ST3GAL3: variants seen among roughly 807,000 people sequenced by gnomAD.
ST3GAL3 encodes CMP-N-acetylneuraminate-beta-1,4-galactoside alpha-2,3-sialyltransferase.
In ST3GAL3, 21 loss-of-function variants were observed where a neutral mutation model predicts 50.1. That is an observed-to-expected ratio of 0.42 (90% CI 0.30 to 0.60). The LOEUF is 0.60. Ranked by LOEUF, ST3GAL3 falls within the 20% of genes least tolerant of loss-of-function variation. The pLI is 0.19. For missense variants in ST3GAL3, 353 were observed against 489.4 expected (o/e 0.72, Z 2.63); for synonymous variants, 183 against 190.0 (o/e 0.96, Z 0.30).
intron 9 of ST3GAL3, among the ~76,000 whole-genome samples, chr1:43,901,904 G>T (rs778387270): frequency 2.6e-5 from 4 of 152,236 alleles, no homozygotes; most frequent in Non-Finnish European, 4.4e-5. Flanking sequence ...GACCTTTAGA[G>T]TGAGCTGCCA....
intron 1 of ST3GAL3, among the ~76,000 whole-genome samples, chr1:43,715,210 T>C (rs1415566644): frequency 6.6e-6 from 1 of 152,172 alleles, no homozygotes; most frequent in Non-Finnish European, 1.5e-5. Flanking sequence ...CAAATAACTT[T>C]CATGTTTGTG....
At chr1:43,721,385 A>T (rs1292384600) in intron 1 of ST3GAL3, among the ~76,000 whole-genome samples, 5 of 144,610 alleles carry the variant, frequency 3.5e-5, no homozygotes, top group Non-Finnish European at 7.5e-5. Flanking sequence ...GCTTACTGCA[A>T]CCTCCACCTC....
intron 1 of ST3GAL3, among the ~76,000 whole-genome samples, chr1:43,723,530 T>C (rs1450144753): frequency 2.0e-5 from 3 of 152,202 alleles, no homozygotes; most frequent in African/African-American, 7.2e-5. Context: ...CCTACAGAAC[T>C]GTAAGCCAAA....
chr1:43,862,685 A>C (rs1020970017), intron 5 of ST3GAL3, among the ~76,000 whole-genome samples: 2 of 150,516 alleles, frequency 1.3e-5, no homozygotes, highest in African/African-American at 4.9e-5. Flanking sequence ...AGGCGGGAGG[A>C]TCACTTGAGC....
intron 3 of ST3GAL3, among the ~76,000 whole-genome samples, chr1:43,804,388 C>T (rs1303483901): frequency 3.9e-5 from 6 of 152,126 alleles, no homozygotes; most frequent in Non-Finnish European, 8.8e-5. Context: ...TTAAATTTTC[C>T]TGCTAGTCAG....
At chr1:43,863,492 A>G (rs1212131289) in intron 5 of ST3GAL3, among the ~76,000 whole-genome samples, 1 of 152,240 alleles carries the variant, frequency 6.6e-6, no homozygotes, top group African/African-American at 2.4e-5. Context: ...CCCCTGGCAC[A>G]TTCACACAAG....
At chr1:43,904,759 C>CT (rs137869111) in intron 9 of ST3GAL3, among the ~76,000 whole-genome samples, 1 of 133,378 alleles carries the variant, frequency 7.5e-6, no homozygotes, top group East Asian at 2.2e-4. Context: ...ACCACTCTCC[C>CT]CTCCTCCTGC....
At chr1:43,918,853 C>T (rs2082526261) in intron 9 of ST3GAL3, among the ~76,000 whole-genome samples, 1 of 151,946 alleles carries the variant, frequency 6.6e-6, no homozygotes, top group Non-Finnish European at 1.5e-5. Context: ...TTTAAGTCAT[C>T]TCTTTATATC....
At chr1:43,812,290 C>G (rs977399669) in intron 3 of ST3GAL3, among the ~76,000 whole-genome samples, 3 of 152,168 alleles carry the variant, frequency 2.0e-5, no homozygotes, top group Non-Finnish European at 4.4e-5. Context: ...GCGTTGCTGC[C>G]TGGCACAGTT....
chr1:43,713,432 T>C (rs1397102780), intron 1 of ST3GAL3, among the ~76,000 whole-genome samples: 2 of 152,066 alleles, frequency 1.3e-5, no homozygotes, highest in East Asian at 1.9e-4. Flanking sequence ...AAAACAGTTA[T>C]AATATTTCTA....
chr1:43,762,028 G>A (rs1019256279), intron 2 of ST3GAL3, among the ~76,000 whole-genome samples: 1 of 150,770 alleles, frequency 6.6e-6, no homozygotes, highest in Non-Finnish European at 1.5e-5. Flanking sequence ...CACTTTGGGA[G>A]GCCAAGGCAG....
intron 3 of ST3GAL3, among the ~76,000 whole-genome samples, chr1:43,806,538 A>G (rs1455940868): frequency 6.6e-6 from 1 of 152,178 alleles, no homozygotes; most frequent in African/African-American, 2.4e-5. Flanking sequence ...TATTGCCATC[A>G]TTTAAAAACA....
At position 43,748,599 on chromosome 1, in the gene ST3GAL3, T is replaced by A. The variant is rs183523414; in HGVS notation, c.118+12219T>A. Reference sequence around the variant, plus strand: ...ATGCCCAGCCAATTTAAAAAAAAAATTTTTATAAAGACAGGGTTTTACATT... The same window carrying A: ...ATGCCCAGCCAATTTAAAAAAAAAAATTTTATAAAGACAGGGTTTTACATT... On this transcript the variant is annotated intron_variant, in intron 2 of 11. Transcript: ENST00000347631. 3.4e-3 allele frequency among the ~76,000 whole-genome samples: 514 copies of A among 151,830 alleles called. 4 individuals are homozygous for A. The highest frequency in any genetic ancestry group is 0.011 in the African/African-American group (458 of 41,382).
rs531252185 is a variant in ST3GAL3 at position 43,892,661 on chromosome 1, GA to G, written c.303-1713del. 1.2e-3 allele frequency among the ~76,000 whole-genome samples: 183 copies of G among 150,244 alleles called. 1 individual carries two copies. The highest frequency in any genetic ancestry group is 2.4e-3 in the African/African-American group (99 of 40,976). On this transcript the variant is annotated intron_variant, in intron 5 of 11. Coordinates refer to ENST00000347631, the MANE Select transcript of ST3GAL3 (RefSeq NM_006279.5). ...AATAAAAAGAAAGCAGAGGAAAAGG[GA>G]AAAAAAAATGTCGAGATCATTTGGC...
At chr1:43,759,083 A>G (rs1356626484) in intron 2 of ST3GAL3, among the ~76,000 whole-genome samples, 8 of 151,348 alleles carry the variant, frequency 5.3e-5, no homozygotes, top group Non-Finnish European at 7.4e-5. Context: ...ACACACACAC[A>G]CACACACACA....
intron 4 of ST3GAL3, among the ~76,000 whole-genome samples, chr1:43,825,357 T>A (rs577940610): frequency 1.2e-3 from 184 of 152,356 alleles, no homozygotes; most frequent in African/African-American, 4.3e-3. Flanking sequence ...GGGCTATAGA[T>A]CTCTAGACAC....
intron 5 of ST3GAL3, among the ~76,000 whole-genome samples, chr1:43,860,454 T>C (rs570363408): frequency 6.6e-6 from 1 of 152,150 alleles, no homozygotes; most frequent in Non-Finnish European, 1.5e-5. Flanking sequence ...ACCGCTCAGA[T>C]TATTGAGAGG....
At chr1:43,815,998 C>G (rs1440311981) in intron 4 of ST3GAL3, among the ~76,000 whole-genome samples, 1 of 152,094 alleles carries the variant, frequency 6.6e-6, no homozygotes, top group East Asian at 1.9e-4. Flanking sequence ...TCTCTCTACT[C>G]TGTGTGTTCA....
intron 11 of ST3GAL3, among the ~76,000 whole-genome samples, chr1:43,926,191 T>C (rs1004065973): frequency 1.3e-5 from 2 of 152,090 alleles, no homozygotes; most frequent in African/African-American, 4.8e-5. Flanking sequence ...TCTTCAGATA[T>C]AAGGATGAGA....
Sources: gnomAD v4.1 joint callset for allele counts (sites outside exome capture counted in the v4.1 genomes callset) on GRCh38, gnomAD v4.1.1 for gene constraint, MANE v1.5 for transcripts, NCBI Gene and HGNC (gene_info 2026-07-23, HGNC 2026-07-21) for gene names.